Variants in CLEC16A observed in about 807,000 individuals in gnomAD.
CLEC16A encodes protein CLEC16A.
Under a neutral mutation model 109.5 loss-of-function variants are expected in CLEC16A, and 51 were observed. The observed-to-expected ratio is 0.47, with a 90% CI of 0.37 to 0.59. The LOEUF (loss-of-function observed/expected upper bound fraction) is 0.59, where lower values mean the gene tolerates loss of function less well. Ranked by LOEUF, CLEC16A falls within the 20% of genes least tolerant of loss-of-function variation. The pLI is 0.00. For missense variants in CLEC16A, 1,339 were observed against 1,394.0 expected (o/e 0.96, Z 0.63); for synonymous variants, 673 against 564.2 (o/e 1.19, Z -2.73).
At chr16:11,093,335 C>A (rs558474148) in intron 19 of CLEC16A, among the ~76,000 whole-genome samples, 80 of 152,312 alleles carry the variant, frequency 5.3e-4, no homozygotes, top group Admixed American at 2.5e-3. Context: ...GTGCGGTTAC[C>A]GTGGCCATAC....
chr16:11,127,725 A>G (rs1327983569), intron 22 of CLEC16A, among the ~76,000 whole-genome samples: 1 of 151,956 alleles, frequency 6.6e-6, no homozygotes, highest in Non-Finnish European at 1.5e-5. Context: ...AAAATTAGCC[A>G]GGCATGGTGG....
At chr16:11,083,898 C>A (rs961204478) in intron 19 of CLEC16A, among the ~76,000 whole-genome samples, 1 of 152,182 alleles carries the variant, frequency 6.6e-6, no homozygotes, top group Non-Finnish European at 1.5e-5. Context: ...TGTGTGTGTT[C>A]TACCCGGAAT....
At chr16:10,970,235 A>G (rs2042715409) in intron 4 of CLEC16A, among the ~76,000 whole-genome samples, 1 of 152,148 alleles carries the variant, frequency 6.6e-6, no homozygotes. Context: ...CCTCATGGTC[A>G]CAGGTTGGCT....
chr16:10,986,418 C>A (rs2043659409), intron 10 of CLEC16A, among the ~76,000 whole-genome samples: 1 of 152,138 alleles, frequency 6.6e-6, no homozygotes, highest in African/African-American at 2.4e-5. Context: ...AGTGTAGGCA[C>A]AGCATCATTC....
chr16:11,058,829 C>T (rs562059218), intron 18 of CLEC16A, among the ~76,000 whole-genome samples: 2 of 152,258 alleles, frequency 1.3e-5, no homozygotes, highest in South Asian at 2.1e-4. Context: ...CCTTCAAAAC[C>T]CCAAGAGGAA....
intron 19 of CLEC16A, among the ~76,000 whole-genome samples, chr16:11,067,646 A>G (rs115774869): frequency 0.015 from 2,286 of 152,236 alleles, 46 homozygotes; most frequent in African/African-American, 0.052. Context: ...AGCTGATGTG[A>G]TCAGATTTGT....
At position 11,086,909 on chromosome 16, in the gene CLEC16A, G is replaced by C. The variant is rs541598871; in HGVS notation, c.2116+25887G>C. On this transcript the variant is annotated intron_variant, in intron 19 of 23. Transcript: ENST00000409790. ...CTCAGCTCGACAGAGGCAGTTCTGT[G>C]TCTGGGCACCAGGAATCCTCAGGGG... Among the ~76,000 whole-genome samples, 6 of 152,274 alleles carry C rather than the reference G, an allele frequency of 3.9e-5. No homozygotes were observed. The South Asian group carries it at 1.2e-3, about 32-fold the overall frequency.
intron 13 of CLEC16A, 133 bp from the exon 14 acceptor site, chr16:11,039,621 A>G: frequency 2.6e-6 from 3 of 1,136,100 alleles, no homozygotes; most frequent in Non-Finnish European, 2.4e-6. Flanking sequence ...AAAAGAAAAG[A>G]AAAAGGAAAA....
intron 11 of CLEC16A, among the ~76,000 whole-genome samples, chr16:11,012,517 C>T (rs1357556245): frequency 6.7e-6 from 1 of 148,258 alleles, no homozygotes; most frequent in African/African-American, 2.5e-5. Context: ...ATGGCGTGAA[C>T]CCGGGAGGCG....
chr16:10,950,581 G>C (rs2041677086), intron 1 of CLEC16A, among the ~76,000 whole-genome samples: 1 of 152,212 alleles, frequency 6.6e-6, no homozygotes, highest in South Asian at 2.1e-4. Flanking sequence ...AGCACAGCCT[G>C]TGAACACCTT....
chr16:10,992,913 T>C (rs979174543), intron 10 of CLEC16A, among the ~76,000 whole-genome samples: 3 of 152,000 alleles, frequency 2.0e-5, no homozygotes, highest in Non-Finnish European at 4.4e-5. Context: ...TATTGAGAAC[T>C]GAGGTCAGGG....
At chr16:10,985,096 G>A (rs1022870971) in intron 10 of CLEC16A, among the ~76,000 whole-genome samples, 4 of 151,422 alleles carry the variant, frequency 2.6e-5, no homozygotes, top group East Asian at 1.9e-4. Context: ...TCAGCTACTC[G>A]GGAGGCTGAG....
intron 23 of CLEC16A, among the ~76,000 whole-genome samples, chr16:11,172,234 TCATACAGTCACACG>T (rs1209168780): frequency 6.6e-6 from 1 of 151,880 alleles, no homozygotes; most frequent in Non-Finnish European, 1.5e-5. Flanking sequence ...ATGCACACAC[TCATACAGTCACACG>T]CATACAAATG....
intron 23 of CLEC16A, among the ~76,000 whole-genome samples, chr16:11,177,891 G>C (rs2068820822): frequency 6.6e-6 from 1 of 151,106 alleles, no homozygotes; most frequent in African/African-American, 2.4e-5. Flanking sequence ...GTTCCCTCTT[G>C]GGTAAATGTC....
At position 11,015,353 on chromosome 16, in the gene CLEC16A, G is replaced by A. The variant is rs78874393; in HGVS notation, c.1304-4840G>A. 4.5e-4 allele frequency among the ~76,000 whole-genome samples: 69 copies of A among 152,162 alleles called. 1 individual carries two copies. The Middle Eastern group carries it at 0.01, about 23-fold the overall frequency. On this transcript the variant is annotated intron_variant, in intron 11 of 23. Transcript: ENST00000409790. The stretch of plus-strand genomic sequence containing the variant: ...GGGTTGGGGGTGAGGAAGGGGGAGC[G>A]GTCCTGGCTTTGCTGCTGCATTTCC...
intron 1 of CLEC16A, among the ~76,000 whole-genome samples, chr16:10,948,354 GA>G (rs1223247977): frequency 6.6e-6 from 1 of 152,216 alleles, no homozygotes; most frequent in Non-Finnish European, 1.5e-5. Context: ...CTAAATGGTA[GA>G]AAACTTCATA....
At chr16:11,137,248 C>A (rs1021626591) in intron 22 of CLEC16A, among the ~76,000 whole-genome samples, 1 of 152,086 alleles carries the variant, frequency 6.6e-6, no homozygotes, top group African/African-American at 2.4e-5. Context: ...CATTAACAGA[C>A]AAGTGATAGG....
At chr16:10,958,202 A>G (rs999075619) in intron 2 of CLEC16A, among the ~76,000 whole-genome samples, 1 of 152,258 alleles carries the variant, frequency 6.6e-6, no homozygotes, top group Non-Finnish European at 1.5e-5. Context: ...GAAGGAGAAC[A>G]TGTCTGGTGG....
intron 20 of CLEC16A, among the ~76,000 whole-genome samples, chr16:11,122,683 C>G (rs79748991): frequency 0.045 from 6,790 of 152,198 alleles, 500 homozygotes; most frequent in African/African-American, 0.16. Context: ...GTCCCCACCT[C>G]CTTTAACATT....
Sources: allele counts gnomAD v4.1 joint callset (sites outside exome capture counted in the v4.1 genomes callset), GRCh38; gene constraint gnomAD v4.1.1; transcripts MANE v1.5; gene names NCBI Gene and HGNC (gene_info 2026-07-23, HGNC 2026-07-21).